The following WDFY3 variants were observed in gnomAD, a reference collection of about 807,000 sequenced individuals.
The protein encoded by WDFY3 is WD repeat and FYVE domain-containing protein 3.
A neutral mutation model predicts 409.6 loss-of-function variants in WDFY3; 66 were observed. The observed-to-expected ratio is 0.16, with a 90% CI of 0.13 to 0.20. The LOEUF (loss-of-function observed/expected upper bound fraction) is 0.20, where lower values mean the gene tolerates loss of function less well. WDFY3 is among the 10% of genes least tolerant of loss of function. The probability of loss-of-function intolerance (pLI) is 1.00; values close to 1 mark genes in which losing one functional copy is unlikely to be tolerated. For missense variants in WDFY3, 3,031 were observed against 4,298.1 expected (o/e 0.71, Z 8.24); for synonymous variants, 1,521 against 1,537.1 (o/e 0.99, Z 0.25).
chr4:84,793,294 C>T (rs1748826135), intron 21 of WDFY3, among the ~76,000 whole-genome samples: 1 of 152,140 alleles, frequency 6.6e-6, no homozygotes, highest in Non-Finnish European at 1.5e-5. Flanking sequence ...ACCACCTCAG[C>T]CTCCTAAAGG....
chr4:84,860,132 C>T (rs1311091630), intron 4 of WDFY3, among the ~76,000 whole-genome samples: 2 of 152,142 alleles, frequency 1.3e-5, no homozygotes, highest in Non-Finnish European at 2.9e-5. Flanking sequence ...TATTCCTCTT[C>T]CAAATCTCAA....
chr4:84,762,310 G>C (rs1406826334), intron 32 of WDFY3, among the ~76,000 whole-genome samples: 3 of 152,090 alleles, frequency 2.0e-5, no homozygotes, highest in South Asian at 2.1e-4. Flanking sequence ...CATGTCCTTT[G>C]TAGGGACATG....
chr4:84,730,307 G>T (rs1032662533), intron 44 of WDFY3, among the ~76,000 whole-genome samples: 1 of 152,058 alleles, frequency 6.6e-6, no homozygotes, highest in Non-Finnish European at 1.5e-5. Flanking sequence ...AGAAAGCAAA[G>T]GAAAAAAGTC....
chr4:84,805,733 T>G (rs990779026), intron 15 of WDFY3, among the ~76,000 whole-genome samples: 1 of 152,208 alleles, frequency 6.6e-6, no homozygotes, highest in Non-Finnish European at 1.5e-5. Flanking sequence ...TCATCAGGTA[T>G]GTAGAGGCAC....
chr4:84,736,116 AG>A, intron 42 of WDFY3, 53 bp downstream of exon 42: 1 of 1,517,622 alleles, frequency 6.6e-7, no homozygotes, highest in Non-Finnish European at 8.8e-7. Flanking sequence ...GTACATGTTA[AG>A]TATATTATAC....
intron 53 of WDFY3, among the ~76,000 whole-genome samples, chr4:84,706,548 GAA>G (rs34198168): frequency 0.013 from 1,426 of 111,214 alleles, 25 homozygotes; most frequent in African/African-American, 0.04. Context: ...TTAAAATGGT[GAA>G]AAAAAAAAAA....
chr4:84,880,709 A>G (rs1239867553), intron 3 of WDFY3, among the ~76,000 whole-genome samples: 3 of 68,940 alleles, frequency 4.4e-5, no homozygotes, highest in Non-Finnish European at 6.4e-5. Context: ...ATATATATAT[A>G]TATATATATA....
At chr4:84,787,412 C>G in intron 23 of WDFY3, 70 bp downstream of exon 23, 1 of 1,425,716 alleles carries the variant, frequency 7.0e-7, no homozygotes, top group South Asian at 1.3e-5. Context: ...TAACCTCAGA[C>G]ACACACATGC....
intron 2 of WDFY3, among the ~76,000 whole-genome samples, chr4:84,897,257 G>C (rs1158930210): frequency 6.6e-6 from 1 of 152,168 alleles, no homozygotes; most frequent in Admixed American, 6.5e-5. Context: ...ATTCTAATGT[G>C]CATCCGGGGT....
At chr4:84,775,171 G>T (rs1745338728) in intron 27 of WDFY3, 33 bp from the exon 28 acceptor site, 1 of 1,591,140 alleles carries the variant, frequency 6.3e-7, no homozygotes, top group Non-Finnish European at 8.6e-7. Flanking sequence ...TATATTTAAG[G>T]TTAAAAAAAA....
chr4:84,743,907 A>C, intron 36 of WDFY3, 108 bp from the exon 37 acceptor site: 1 of 649,688 alleles, frequency 1.5e-6, no homozygotes, highest in Non-Finnish European at 2.2e-6. Context: ...AATTCTACTA[A>C]TAAATTTGTT....
chr4:84,850,062 A>G (rs375287775), intron 4 of WDFY3, 37 bp from the exon 5 acceptor site: 27 of 1,537,184 alleles, frequency 1.8e-5, no homozygotes, highest in Non-Finnish European at 2.4e-5. Flanking sequence ...TGAAGCACTG[A>G]CAAATTTTTC....
At chr4:84,762,226 A>G (rs576563074) in intron 32 of WDFY3, among the ~76,000 whole-genome samples, 3 of 151,674 alleles carry the variant, frequency 2.0e-5, no homozygotes, top group East Asian at 1.9e-4. Context: ...ATGTCCAACA[A>G]TGATAGACTG....
At chr4:84,801,598 T>C (rs1193291702) in intron 17 of WDFY3, 52 bp downstream of exon 17, 22 of 1,538,650 alleles carry the variant, frequency 1.4e-5, no homozygotes, top group Non-Finnish European at 1.8e-5. Flanking sequence ...ATAAGGACTC[T>C]AGAAACTGAC....
intron 62 of WDFY3, 178 bp downstream of exon 62, chr4:84,687,908 C>T: frequency 1.6e-6 from 1 of 641,372 alleles, no homozygotes; most frequent in South Asian, 1.9e-5. Flanking sequence ...GACCTTAGTG[C>T]AGACACCTGA....
intron 3 of WDFY3, among the ~76,000 whole-genome samples, chr4:84,872,622 A>C (rs1762275802): frequency 6.6e-6 from 1 of 152,222 alleles, no homozygotes; most frequent in Non-Finnish European, 1.5e-5. Context: ...TATTTATCCT[A>C]CTAAATCAAT....
At chr4:84,853,619 T>C (rs1759346290) in intron 4 of WDFY3, among the ~76,000 whole-genome samples, 1 of 152,248 alleles carries the variant, frequency 6.6e-6, no homozygotes, top group South Asian at 2.1e-4. Context: ...AGCTCATTTC[T>C]TGAACAGTTG....
chr4:84,725,771 T>A (rs956993638), intron 45 of WDFY3, among the ~76,000 whole-genome samples: 1 of 152,176 alleles, frequency 6.6e-6, no homozygotes, highest in Admixed American at 6.5e-5. Context: ...ACATTTTTTT[T>A]AAGTGATTTC....
chr4:84,959,254 C>T (rs372082765), intron 1 of WDFY3, among the ~76,000 whole-genome samples: 6 of 151,664 alleles, frequency 4.0e-5, no homozygotes, highest in East Asian at 1.9e-4. Context: ...CATGTTTTAG[C>T]GCCTCTTTGA....
Sources: allele counts gnomAD v4.1 joint callset (sites outside exome capture counted in the v4.1 genomes callset), GRCh38; gene constraint gnomAD v4.1.1; transcripts MANE v1.5; gene names NCBI Gene and HGNC (gene_info 2026-07-23, HGNC 2026-07-21).